The following AUTS2 variants were observed in gnomAD, a reference collection of about 807,000 sequenced individuals.
AUTS2 encodes the protein autism susceptibility gene 2 protein.
Under a neutral mutation model 112.4 loss-of-function variants are expected in AUTS2, and 17 were observed. The ratio of observed to expected loss-of-function variants is 0.15; its 90% confidence interval spans 0.10 to 0.23. AUTS2 has a LOEUF of 0.23. AUTS2 is among the 10% of genes least tolerant of loss of function. The pLI, the probability that AUTS2 is intolerant of heterozygous loss-of-function variation, is 1.00. For missense variants in AUTS2, 1,510 were observed against 1,701.6 expected, an observed-to-expected ratio of 0.89 and a Z score of 1.98; for synonymous variants, 751 against 702.7, an observed-to-expected ratio of 1.07 and a Z score of -1.09.
rs1797163174 is a variant in AUTS2 at position 70,466,262 on chromosome 7, G to A, written c.690+30481G>A. ...GAAATTGTTATGTCATGGGAAGGAG[G>A]ACATTTTTGGTACCTAATGATTAAT... On this transcript the variant is annotated intron_variant, in intron 5 of 18. Coordinates refer to ENST00000342771, the MANE Select transcript of AUTS2 (RefSeq NM_015570.4). Among the ~76,000 whole-genome samples the A allele has an allele frequency of 2.6e-5, 4 of 152,156 alleles. No homozygotes were observed. In the South Asian group the frequency reaches 8.3e-4, roughly 32 times the overall value.
intron 1 of AUTS2, among the ~76,000 whole-genome samples, chr7:69,823,252 G>A (rs1791081480): frequency 6.6e-6 from 1 of 152,216 alleles, no homozygotes; most frequent in South Asian, 2.1e-4. Context: ...CTTCTCCTGA[G>A]TGGAAGCTGC....
Position 70,622,506 on chromosome 7 carries a change from C to A in AUTS2, c.691-76063C>A, listed in dbSNP as rs534430013. 8.5e-5 allele frequency among the ~76,000 whole-genome samples: 13 copies of A among 152,294 alleles called. 1 individual carries two copies. In the South Asian group the frequency reaches 2.3e-3, roughly 27 times the overall value. ...TCCTGCACTCCCGCTAACCCCCAGA[C>A]TTTCTTAGAATCAAAACTTCCTCCA... On this transcript the variant is annotated intron_variant, in intron 5 of 18. Transcript: ENST00000342771.
intron 8 of AUTS2, 146 bp downstream of exon 8, chr7:70,765,151 GC>G (rs1789856398): frequency 8.7e-7 from 1 of 1,153,114 alleles, no homozygotes; most frequent in South Asian, 1.6e-5. Context: ...ACGCTCTCTG[GC>G]CTGAGGTCCA....
intron 1 of AUTS2, among the ~76,000 whole-genome samples, chr7:69,628,966 TG>T (rs1794094710): frequency 6.6e-6 from 1 of 152,188 alleles, no homozygotes; most frequent in South Asian, 2.1e-4. Context: ...TTATTGCATT[TG>T]CGTAAACCAT....
intron 1 of AUTS2, among the ~76,000 whole-genome samples, chr7:69,681,330 G>A (rs748338411): frequency 6.6e-6 from 1 of 152,150 alleles, no homozygotes; most frequent in African/African-American, 2.4e-5. Flanking sequence ...AGGAACCTCT[G>A]TACTGCTTTC....
At chr7:70,181,174 A>G (rs1242935700) in intron 4 of AUTS2, among the ~76,000 whole-genome samples, 4 of 152,234 alleles carry the variant, frequency 2.6e-5, no homozygotes, top group East Asian at 3.8e-4. Context: ...TTTTAAGCCT[A>G]TGCCACCATT....
At chr7:70,539,638 GTT>G (rs1800463765) in intron 5 of AUTS2, among the ~76,000 whole-genome samples, 2 of 152,124 alleles carry the variant, frequency 1.3e-5, no homozygotes, top group African/African-American at 2.4e-5. Context: ...TTAACATAAA[GTT>G]AAATGGACTA....
intron 1 of AUTS2, among the ~76,000 whole-genome samples, chr7:69,876,462 A>T (rs1793786494): frequency 8.9e-6 from 1 of 112,728 alleles, no homozygotes. Flanking sequence ...AATACATTAT[A>T]TATATACATA....
chr7:69,782,457 C>T (rs552301134), intron 1 of AUTS2, among the ~76,000 whole-genome samples: 1 of 150,842 alleles, frequency 6.6e-6, no homozygotes, highest in Non-Finnish European at 1.5e-5. Flanking sequence ...TTTGCATGGT[C>T]CCTACCAGTA....
intron 4 of AUTS2, among the ~76,000 whole-genome samples, chr7:70,327,380 T>A (rs1027880572): frequency 6.6e-6 from 1 of 152,186 alleles, no homozygotes; most frequent in African/African-American, 2.4e-5. Flanking sequence ...TCAAAATGCC[T>A]ATTTATCAGC....
At chr7:69,834,268 G>A (rs559731020) in intron 1 of AUTS2, among the ~76,000 whole-genome samples, 3 of 152,120 alleles carry the variant, frequency 2.0e-5, no homozygotes, top group Admixed American at 2.0e-4. Context: ...TTTATTCTTA[G>A]GGTTCAAATT....
chr7:70,673,836 G>A (rs1408457751), intron 5 of AUTS2, among the ~76,000 whole-genome samples: 3 of 152,214 alleles, frequency 2.0e-5, no homozygotes, highest in African/African-American at 7.2e-5. Flanking sequence ...ATTTCTAGAA[G>A]ACCTTAGTAG....
At chr7:69,884,059 G>A (rs1794169187) in intron 1 of AUTS2, among the ~76,000 whole-genome samples, 1 of 152,200 alleles carries the variant, frequency 6.6e-6, no homozygotes, top group Non-Finnish European at 1.5e-5. Context: ...AACAGCCAAT[G>A]TCATAACACA....
intron 4 of AUTS2, among the ~76,000 whole-genome samples, chr7:70,275,384 G>A (rs2129609602): frequency 6.6e-6 from 1 of 152,284 alleles, no homozygotes; most frequent in East Asian, 1.9e-4. Context: ...AAGTCACCAG[G>A]AACTGGGAAG....
chr7:70,491,253 C>G (rs1237390563), intron 5 of AUTS2, among the ~76,000 whole-genome samples: 1 of 151,852 alleles, frequency 6.6e-6, no homozygotes, highest in African/African-American at 2.4e-5. Flanking sequence ...TTCATCTGTC[C>G]TATTATTCAT....
chr7:70,760,980 C>T (rs1789532596), intron 6 of AUTS2, among the ~76,000 whole-genome samples: 1 of 152,186 alleles, frequency 6.6e-6, no homozygotes. Flanking sequence ...TAGCCAAGTT[C>T]TGTTAGCCAA....
At chr7:70,335,592 G>T (rs937418787) in intron 4 of AUTS2, among the ~76,000 whole-genome samples, 1 of 152,230 alleles carries the variant, frequency 6.6e-6, no homozygotes, top group African/African-American at 2.4e-5. Flanking sequence ...AAATGTTAAT[G>T]GCTTTTTCAT....
At chr7:70,710,083 C>G (rs531015232) in intron 6 of AUTS2, among the ~76,000 whole-genome samples, 5 of 152,152 alleles carry the variant, frequency 3.3e-5, no homozygotes, top group African/African-American at 1.2e-4. Context: ...ATCTTGGGTG[C>G]TGTTAAAAGA....
intron 5 of AUTS2, among the ~76,000 whole-genome samples, chr7:70,547,016 C>T (rs1219366783): frequency 6.6e-6 from 1 of 152,104 alleles, no homozygotes; most frequent in East Asian, 1.9e-4. Context: ...AATCTACATG[C>T]CGTAATATTC....
Sources: allele counts gnomAD v4.1 joint callset (sites outside exome capture counted in the v4.1 genomes callset), GRCh38; gene constraint gnomAD v4.1.1; transcripts MANE v1.5; gene names NCBI Gene and HGNC (gene_info 2026-07-23, HGNC 2026-07-21).